TRAPPC10: variants seen among roughly 807,000 people sequenced by gnomAD.
TRAPPC10 encodes the protein TRAPP 130 kDa subunit.
Under a neutral mutation model 125.5 loss-of-function variants are expected in TRAPPC10, and 23 were observed. That is an observed-to-expected ratio of 0.18 (90% CI 0.13 to 0.26). The LOEUF (loss-of-function observed/expected upper bound fraction) is 0.26, where lower values mean the gene tolerates loss of function less well. TRAPPC10 is among the 10% of genes least tolerant of loss of function. The pLI is 1.00. For missense variants in TRAPPC10, 1,123 were observed against 1,308.4 expected, an observed-to-expected ratio of 0.86 and a Z score of 2.19; for synonymous variants, 509 against 518.0, an observed-to-expected ratio of 0.98 and a Z score of 0.24.
intron 3 of TRAPPC10, among the ~76,000 whole-genome samples, chr21:44,048,369 G>T (rs543916105): frequency 6.6e-6 from 1 of 152,272 alleles, no homozygotes; most frequent in South Asian, 2.1e-4. Flanking sequence ...GGCTTGCTGG[G>T]CTTGTTTCCC....
intron 5 of TRAPPC10, among the ~76,000 whole-genome samples, chr21:44,057,973 TCA>T (rs2035735420): frequency 6.6e-6 from 1 of 152,222 alleles, no homozygotes; most frequent in Non-Finnish European, 1.5e-5. Flanking sequence ...CAGAAGGCAA[TCA>T]CCTGTTGCCC....
intron 20 of TRAPPC10, among the ~76,000 whole-genome samples, chr21:44,096,035 C>CT (rs2038908569): frequency 1.1e-5 from 1 of 88,242 alleles, no homozygotes. Context: ...CCAGCTGGGA[C>CT]CCAGAGAGTC....
chr21:44,052,670 G>A (rs1281581997), intron 4 of TRAPPC10, among the ~76,000 whole-genome samples, 194 bp downstream of exon 4: 2 of 152,202 alleles, frequency 1.3e-5, no homozygotes, highest in East Asian at 1.9e-4. Context: ...GTCATCCCCC[G>A]AGTGTGCTGC....
At position 44,087,637 on chromosome 21, in the gene TRAPPC10, A is replaced by G; in HGVS notation, c.2540-62A>G. The G allele has an allele frequency of 6.8e-7, 1 of 1,480,604 alleles. No individual in the cohort carries two copies. Among genetic ancestry groups the G allele is most frequent in the Non-Finnish European group, 9.3e-7 (1 of 1,070,836 alleles). 91.7% of individuals were successfully genotyped at this position (1,480,604 alleles called of 1,614,324 possible). A position where few individuals can be genotyped will look rare whatever the true frequency, so the allele number is the denominator to read the frequency against. ...TCACTGCTGGGCCATCACCTGCTGT[A>G]AGGAAAAGGACAAGTGAAACCGAGG... On this transcript the variant is annotated intron_variant, in intron 16 of 22. Transcript: ENST00000291574. The surrounding 1 kb of genome is among the most constrained non-coding windows in gnomAD (Gnocchi z 4.6).
intron 19 of TRAPPC10, among the ~76,000 whole-genome samples, chr21:44,092,281 T>C (rs2038638231): frequency 6.6e-6 from 1 of 152,232 alleles, no homozygotes; most frequent in South Asian, 2.1e-4. Context: ...AATCTGAAAC[T>C]GGTCCCACTC....
At chr21:44,032,059 A>G in intron 1 of TRAPPC10, 32 bp from the exon 2 acceptor site, 3 of 1,573,142 alleles carry the variant, frequency 1.9e-6, no homozygotes, top group Middle Eastern at 1.7e-4. Context: ...ACCTAAAAAT[A>G]TGGTAACTGA....
chr21:44,031,269 G>A (rs1249580720), intron 1 of TRAPPC10, among the ~76,000 whole-genome samples: 1 of 152,128 alleles, frequency 6.6e-6, no homozygotes, highest in Non-Finnish European at 1.5e-5. Flanking sequence ...TTGGAAAATG[G>A]TTTGCTAAAG....
Position 44,086,980 on chromosome 21 carries a change from G to T in TRAPPC10, c.2539+20G>T. 6.2e-7 allele frequency: 1 copy of T among 1,612,524 alleles called. No homozygotes were observed. Among genetic ancestry groups the T allele is most frequent in the Middle Eastern group, 1.7e-4 (1 of 5,924 alleles). ...CGAGAGGTGAGGTGCCGCCCACCCA[G>T]GCCCAAGGAGGATGCCCACCTTGCC... On this transcript the variant is annotated intron_variant, in intron 16 of 22. Transcript: ENST00000291574.
At chr21:44,047,044 C>T (rs1453053668) in intron 3 of TRAPPC10, 27 of 709,200 alleles carry the variant, frequency 3.8e-5, no homozygotes, top group South Asian at 2.6e-4. Flanking sequence ...CCAGCCATTT[C>T]GAATTCTGCT....
At chr21:44,023,304 G>T (rs2032736510) in intron 1 of TRAPPC10, among the ~76,000 whole-genome samples, 1 of 152,044 alleles carries the variant, frequency 6.6e-6, no homozygotes, top group South Asian at 2.1e-4. Context: ...CAAAGTGCTG[G>T]GATTACAGAT....
In TRAPPC10 at chr21:44,041,645, T is replaced by TA. The variant is rs538872877; in HGVS notation, c.285+3719dup. On this transcript the variant is annotated intron_variant, in intron 3 of 22. Coordinates refer to ENST00000291574, the MANE Select transcript of TRAPPC10 (RefSeq NM_003274.5). ...CCTCAGCCTCTCAAAGTTTTGGGAT[T>TA]ACAGGCGTGAGCCACCACGCCCAGC... Among the ~76,000 whole-genome samples the TA allele has an allele frequency of 2.7e-3, 411 of 152,268 alleles. 2 individuals are homozygous for TA. Among genetic ancestry groups the TA allele is most frequent in the African/African-American group, 9.5e-3 (395 of 41,554 alleles).
At chr21:44,018,329 T>C (rs1241776140) in intron 1 of TRAPPC10, among the ~76,000 whole-genome samples, 1 of 151,902 alleles carries the variant, frequency 6.6e-6, no homozygotes, top group Non-Finnish European at 1.5e-5. Context: ...CACTTGGACC[T>C]GGGACGTCAA....
chr21:44,062,794 G>A (rs1437690754), intron 6 of TRAPPC10: 8 of 985,324 alleles, frequency 8.1e-6, no homozygotes, highest in South Asian at 4.7e-5. Flanking sequence ...TGAAGGGAGC[G>A]TTTAACCATG....
Position 44,064,816 on chromosome 21 carries a change from G to T in TRAPPC10, c.1038+1031G>T, listed in dbSNP as rs191440475. Among the ~76,000 whole-genome samples the T allele has an allele frequency of 1.2e-4, 19 of 152,306 alleles. No individual in the cohort carries two copies. The East Asian group carries it at 3.7e-3, about 29-fold the overall frequency. On this transcript the variant is annotated intron_variant, in intron 7 of 22. Transcript: ENST00000291574. ...TCTTATTTCAGAGCTAAGCTCATTA[G>T]TACCTAGCCCAAGTCACAAACTCAG... is the stretch of plus-strand genomic sequence containing the variant.
intron 3 of TRAPPC10, among the ~76,000 whole-genome samples, chr21:44,042,124 G>A (rs1343233681): frequency 6.6e-6 from 1 of 152,102 alleles, no homozygotes; most frequent in African/African-American, 2.4e-5. Flanking sequence ...GTATTCATCT[G>A]ATTTATCGTT....
At chr21:44,080,236 C>T (rs552397726) in intron 13 of TRAPPC10, 109 bp downstream of exon 13, 67 of 967,044 alleles carry the variant, frequency 6.9e-5, no homozygotes, top group Non-Finnish European at 1.0e-4. Context: ...TAACATTTTG[C>T]TGTGTAGCTG....
In TRAPPC10 at chr21:44,067,496, TGAA is replaced by T. The variant is rs545987701; in HGVS notation, c.1038+3718_1038+3720del. Reference sequence around the variant, plus strand: ...GAGGGGTGGTTGTGAGAGCTGTTGCTGAAGAAGAACTGATGGCTCACTGGACAA... The same window carrying T: ...GAGGGGTGGTTGTGAGAGCTGTTGCTGAAGAACTGATGGCTCACTGGACAA... On this transcript the variant is annotated intron_variant, in intron 7 of 22. Coordinates refer to ENST00000291574, the MANE Select transcript of TRAPPC10 (RefSeq NM_003274.5). Among the ~76,000 whole-genome samples, 801 of 152,220 alleles carry T rather than the reference TGAA, an allele frequency of 5.3e-3. 5 individuals are homozygous for T. Among genetic ancestry groups the T allele is most frequent in the African/African-American group, 0.018 (743 of 41,524 alleles).
At chr21:44,056,374 G>C (rs982051131) in intron 5 of TRAPPC10, among the ~76,000 whole-genome samples, 1 of 152,108 alleles carries the variant, frequency 6.6e-6, no homozygotes, top group African/African-American at 2.4e-5. Context: ...TGTCCGGGGT[G>C]GTGGGCAAAG....
chr21:44,084,128 G>A lies in TRAPPC10; in HGVS notation c.2245G>A (p.Glu749Lys). Residue 749 changes from glutamate to lysine, a missense_variant, in exon 15 of 23, where the codon GAA becomes AAA. Coordinates refer to ENST00000291574, the MANE Select transcript of TRAPPC10 (RefSeq NM_003274.5). Reference sequence around the variant, plus strand: ...CCTGATTCTTTGACTCTAGGCCAAGGAACCTGGAACGTATACACTCAGGCA... The same window carrying A: ...CCTGATTCTTTGACTCTAGGCCAAGAAACCTGGAACGTATACACTCAGGCA... The part of the protein sequence containing the change: ...NQITFRTQAK[E>K]PGTYTLRQLC... 6.2e-7 allele frequency: 1 copy of A among 1,613,860 alleles called. No homozygotes were observed. Among genetic ancestry groups the A allele is most frequent in the Non-Finnish European group, 8.5e-7 (1 of 1,179,962 alleles).
Sources: allele counts gnomAD v4.1 joint callset (sites outside exome capture counted in the v4.1 genomes callset), GRCh38; gene constraint gnomAD v4.1.1; non-coding constraint Gnocchi (gnomAD v3.1); transcripts MANE v1.5; gene names NCBI Gene and HGNC (gene_info 2026-07-23, HGNC 2026-07-21).